Variants in AAK1 observed in about 807,000 individuals in gnomAD.
The protein encoded by AAK1 is AP2-associated protein kinase 1.
A neutral mutation model predicts 116.0 loss-of-function variants in AAK1; 37 were observed. That is an observed-to-expected ratio of 0.32 (90% CI 0.25 to 0.42). The LOEUF is 0.42. Among genes scored for constraint, AAK1 ranks in the 10% least tolerant of loss-of-function variants. The pLI is 1.00. For missense variants in AAK1, 919 were observed against 1,170.6 expected (o/e 0.79, Z 3.14); for synonymous variants, 458 against 439.9 (o/e 1.04, Z -0.51).
chr2:69,632,786 C>A (rs1675248341), intron 2 of AAK1, among the ~76,000 whole-genome samples: 1 of 151,948 alleles, frequency 6.6e-6, no homozygotes, highest in African/African-American at 2.4e-5. Context: ...GTAATCCCAG[C>A]ACTTTGGGAG....
In AAK1 at chr2:69,556,853, G is replaced by C. The variant is rs775040017; in HGVS notation, c.282+7C>G. 3.3e-5 allele frequency: 53 copies of C among 1,601,894 alleles called. No individual in the cohort carries two copies. The highest frequency in any genetic ancestry group is 4.2e-5 in the Non-Finnish European group (49 of 1,169,170). On this transcript the variant is annotated splice_region_variant and intron_variant, in intron 3 of 21. Coordinates refer to ENST00000409085, the MANE Select transcript of AAK1 (RefSeq NM_014911.5). Reference sequence around the variant, plus strand: ...TAAACAGTCCCAAGTCCAAGGGGCAGCCTTACCATTATCTGGATTTCTCTC... The same window carrying C: ...TAAACAGTCCCAAGTCCAAGGGGCACCCTTACCATTATCTGGATTTCTCTC...
At chr2:69,545,283 T>C (rs1005980408) in intron 3 of AAK1, among the ~76,000 whole-genome samples, 34 of 152,232 alleles carry the variant, frequency 2.2e-4, no homozygotes, top group Non-Finnish European at 2.9e-5. Flanking sequence ...CATTTTGGTA[T>C]AGTCCTTTAA....
chr2:69,522,254 CA>C (rs1364096157), intron 10 of AAK1, among the ~76,000 whole-genome samples: 1 of 152,100 alleles, frequency 6.6e-6, no homozygotes, highest in Non-Finnish European at 1.5e-5. Context: ...CATGTTTTGT[CA>C]AAATATTTCC....
chr2:69,597,611 T>C, intron 2 of AAK1: 1 of 152,540 alleles, frequency 6.6e-6, no homozygotes, highest in Non-Finnish European at 1.5e-5. Context: ...GGCTCATGCC[T>C]GTAATCCCAA....
chr2:69,476,729 T>C, intron 21 of AAK1, 151 bp downstream of exon 21: 4 of 573,472 alleles, frequency 7.0e-6, no homozygotes, highest in Non-Finnish European at 9.3e-6. Flanking sequence ...TCTCTATCTA[T>C]CTCTATTGGT....
rs1473696562 is a variant in AAK1 at position 69,465,598 on chromosome 2, G to A, written c.*10271C>T. The A allele has an allele frequency of 4.5e-5, 58 of 1,290,854 alleles. No individual in the cohort carries two copies. Among genetic ancestry groups the A allele is most frequent in the African/African-American group, 9.1e-5 (6 of 65,858 alleles). The allele number at this position is 1,290,854 out of a possible 1,614,324, so 80.0% of individuals were successfully genotyped here. The stretch of plus-strand genomic sequence containing the variant: ...GCAATGGGCTGGGCTTCTGGACTTG[G>A]CTCGTCTTCTGGGCTATAGTGACGG... On this transcript the variant is annotated 3_prime_UTR_variant, in exon 22 of 22. Transcript: ENST00000409085.
chr2:69,500,727 A>ACG, intron 16 of AAK1, among the ~76,000 whole-genome samples: 1 of 146,002 alleles, frequency 6.8e-6, no homozygotes, highest in Admixed American at 6.8e-5. Flanking sequence ...ACACACACAC[A>ACG]CACACAACCA....
intron 2 of AAK1, among the ~76,000 whole-genome samples, chr2:69,627,202 T>C (rs1213935513): frequency 6.6e-6 from 1 of 150,774 alleles, no homozygotes; most frequent in Non-Finnish European, 1.5e-5. Flanking sequence ...GGCAGGAGAA[T>C]CGCTTGAACC....
chr2:69,536,768 T>TCC (rs1331861484), intron 5 of AAK1, among the ~76,000 whole-genome samples: 1 of 152,072 alleles, frequency 6.6e-6, no homozygotes, highest in African/African-American at 2.4e-5. Context: ...TCAATATTAT[T>TCC]CCAAACAGGT....
intron 17 of AAK1, among the ~76,000 whole-genome samples, chr2:69,488,719 G>A (rs1296989924): frequency 2.0e-5 from 3 of 152,148 alleles, no homozygotes; most frequent in Non-Finnish European, 2.9e-5. Flanking sequence ...AATGTCTTGG[G>A]TGAGAACAGA....
rs1486847078 is a variant in AAK1 at position 69,530,023 on chromosome 2, T to C, written c.856A>G (p.Met286Val). ...AAATACTTACTAATTAGGCAGTGCA[T>C]GTCTTGAGAATATCGAGAATTATCA... ...IPDNSRYSQD[M>V]HCLIRYMLEP... The change falls in exon 8 of 22, where the codon ATG (methionine) becomes GTG (valine). Residue 286 changes from methionine to valine, a missense_variant. Transcript: ENST00000409085. 1 of 1,591,420 alleles carries C rather than the reference T, an allele frequency of 6.3e-7. No individual in the cohort carries two copies. The highest frequency in any genetic ancestry group is 8.6e-7 in the Non-Finnish European group (1 of 1,169,404).
chr2:69,597,978 T>C (rs1372021582), intron 2 of AAK1: 2 of 316,466 alleles, frequency 6.3e-6, no homozygotes, highest in East Asian at 4.8e-5. Context: ...GAAAAAAAAG[T>C]GTTGGTGGAG....
chr2:69,578,117 G>A lies in AAK1; in HGVS notation c.164-21139C>T, dbSNP rs145222517. Among the ~76,000 whole-genome samples, 29 of 152,296 alleles carry A rather than the reference G, an allele frequency of 1.9e-4. No homozygotes were observed. In the South Asian group the frequency reaches 3.7e-3, roughly 20 times the overall value. On this transcript the variant is annotated intron_variant, in intron 2 of 21. Coordinates refer to ENST00000409085, the MANE Select transcript of AAK1 (RefSeq NM_014911.5). The stretch of plus-strand genomic sequence containing the variant: ...CTTTCAAGCAGTAATTAATTACTAC[G>A]AGTCCAGGGCTTTAGATGAAGTGAA...
intron 3 of AAK1, among the ~76,000 whole-genome samples, chr2:69,555,820 C>T (rs1447938874): frequency 2.6e-5 from 4 of 151,502 alleles, no homozygotes; most frequent in South Asian, 2.1e-4. Context: ...TTCAAAGTTT[C>T]TTATGTATAA....
chr2:69,587,317 G>A (rs997835991), intron 2 of AAK1, among the ~76,000 whole-genome samples: 8 of 147,822 alleles, frequency 5.4e-5, no homozygotes, highest in South Asian at 2.2e-4. Flanking sequence ...GTATATATAC[G>A]CACATATATA....
At chr2:69,555,406 T>G (rs1319889986) in intron 3 of AAK1, among the ~76,000 whole-genome samples, 1 of 152,208 alleles carries the variant, frequency 6.6e-6, no homozygotes, top group African/African-American at 2.4e-5. Flanking sequence ...CTGAGTACTT[T>G]CAGAAGTCCA....
chr2:69,474,183 A>G lies in AAK1; in HGVS notation c.*1686T>C. On this transcript the variant is annotated 3_prime_UTR_variant, in exon 22 of 22. Coordinates refer to ENST00000409085, the MANE Select transcript of AAK1 (RefSeq NM_014911.5). ...TTTTATAGGCTGTTGTTGCTGTTAA[A>G]CTTTTTTCCCCCATAAAGTGCAAAT... The G allele has an allele frequency of 4.1e-6, 4 of 985,862 alleles. No homozygotes were observed. The highest frequency in any genetic ancestry group is 4.8e-6 in the Non-Finnish European group (4 of 829,930). The allele number at this position is 985,862 out of a possible 1,614,324, so 61.1% of individuals were successfully genotyped here.
intron 6 of AAK1, chr2:69,531,765 T>C (rs1364620396): frequency 4.3e-6 from 5 of 1,159,566 alleles, no homozygotes; most frequent in Non-Finnish European, 5.4e-6. Context: ...TTATAGGCTC[T>C]GTGACATCAT....
Position 69,467,187 on chromosome 2 carries a change from G to A in AAK1, c.*8682C>T. 1.0e-6 allele frequency: 1 copy of A among 985,430 alleles called. No individual in the cohort carries two copies. Among genetic ancestry groups the A allele is most frequent in the Middle Eastern group, 5.2e-4 (1 of 1,914 alleles). The allele number at this position is 985,430 out of a possible 1,614,324, so 61.0% of individuals were successfully genotyped here. ...CAGACCAAATAAATCACCTTCAGCT[G>A]GAGTTGCCCCAGAATTTTGTTTTCA... On this transcript the variant is annotated 3_prime_UTR_variant, in exon 22 of 22. Coordinates refer to ENST00000409085, the MANE Select transcript of AAK1 (RefSeq NM_014911.5).
Sources: allele counts gnomAD v4.1 joint callset (sites outside exome capture counted in the v4.1 genomes callset), GRCh38; gene constraint gnomAD v4.1.1; transcripts MANE v1.5; gene names NCBI Gene and HGNC (gene_info 2026-07-23, HGNC 2026-07-21).